Variants in N4BP2 observed in about 807,000 individuals in gnomAD.
N4BP2 encodes the protein NEDD4 binding protein 2.
In N4BP2, 91 loss-of-function variants were observed where a neutral mutation model predicts 152.8. The ratio of observed to expected loss-of-function variants is 0.60; its 90% CI spans 0.50 to 0.71. The LOEUF is 0.71. Ranked by LOEUF, N4BP2 falls within the 30% of genes least tolerant of loss-of-function variation. The pLI, the probability that N4BP2 is intolerant of heterozygous loss-of-function variation, is 0.00. For missense variants in N4BP2, 1,923 were observed against 2,059.1 expected (o/e 0.93, Z 1.28); for synonymous variants, 646 against 705.3 (o/e 0.92, Z 1.33).
chr4:40,119,177 A>C (rs539915066), intron 8 of N4BP2, among the ~76,000 whole-genome samples: 2 of 152,218 alleles, frequency 1.3e-5, no homozygotes, highest in African/African-American at 2.4e-5. Context: ...AAAATCTTAT[A>C]AGGATTATGA....
At chr4:40,176,465 T>C in the N4BP2 span, among the ~76,000 whole-genome samples, 1 of 152,220 alleles carries the variant, frequency 6.6e-6, no homozygotes, top group Admixed American at 6.5e-5. Context: ...ATTAGATCAT[T>C]GTTCATCATA....
intron 3 of N4BP2, among the ~76,000 whole-genome samples, chr4:40,098,156 C>G (rs2109953889): frequency 6.6e-6 from 1 of 152,270 alleles, no homozygotes; most frequent in Non-Finnish European, 1.5e-5. Context: ...AAGTAAATAT[C>G]TATTAAGCAA....
intron 5 of N4BP2, among the ~76,000 whole-genome samples, chr4:40,111,596 G>A (rs1716890867): frequency 6.6e-6 from 1 of 152,034 alleles, no homozygotes; most frequent in Non-Finnish European, 1.5e-5. Flanking sequence ...TGGGATTACA[G>A]GCATGAGCCA....
At chr4:40,184,870 C>A in the N4BP2 span, among the ~76,000 whole-genome samples, 3 of 152,062 alleles carry the variant, frequency 2.0e-5, no homozygotes, top group South Asian at 4.1e-4. Flanking sequence ...GCGTAAGAAT[C>A]GCTTGAACCT....
chr4:40,140,549 G>A (rs1395971880), intron 14 of N4BP2, among the ~76,000 whole-genome samples: 2 of 151,882 alleles, frequency 1.3e-5, no homozygotes, highest in Non-Finnish European at 2.9e-5. Flanking sequence ...TAAACTTTAA[G>A]TTATTCTGGA....
chr4:40,085,070 G>A (rs981649505), intron 2 of N4BP2, among the ~76,000 whole-genome samples: 2 of 151,794 alleles, frequency 1.3e-5, no homozygotes, highest in Admixed American at 6.6e-5. Flanking sequence ...CCACTACCAC[G>A]CCCAGCTAAT....
chr4:40,109,145 G>C (rs1716621816), intron 5 of N4BP2, among the ~76,000 whole-genome samples: 1 of 152,018 alleles, frequency 6.6e-6, no homozygotes, highest in African/African-American at 2.4e-5. Flanking sequence ...GTACTGTAAA[G>C]GTGATTCTTG....
chr4:40,084,749 C>T (rs918850659), intron 2 of N4BP2, among the ~76,000 whole-genome samples: 4 of 151,020 alleles, frequency 2.6e-5, no homozygotes, highest in African/African-American at 9.7e-5. Flanking sequence ...CCTGCCTCAG[C>T]CTCCTGAGTA....
intron 5 of N4BP2, among the ~76,000 whole-genome samples, chr4:40,108,321 T>C (rs1226021048): frequency 7.7e-6 from 1 of 129,836 alleles, no homozygotes; most frequent in East Asian, 2.1e-4. Context: ...TGGTTTACTC[T>C]TTTTTTTTTG....
At chr4:40,146,091 A>G (rs1720490058) in intron 16 of N4BP2, among the ~76,000 whole-genome samples, 2 of 152,110 alleles carry the variant, frequency 1.3e-5, no homozygotes. Flanking sequence ...TGAACCCTGG[A>G]GGCGGAGGTT....
In N4BP2 at chr4:40,122,170, T is replaced by C. The variant is rs61748749; in HGVS notation, c.4059T>C (p.Ser1353=). 1.2e-6 allele frequency: 2 copies of C among 1,613,550 alleles called. No homozygotes were observed. The highest frequency in any genetic ancestry group is 1.1e-5 in the South Asian group (1 of 91,018). The change falls in exon 9 of 18, where the codon AGT becomes AGC. Residue 1353 remains serine, a synonymous_variant. Transcript: ENST00000261435. ...MAGSSLSAGV[S]GEDKTEILNP... ...GAAGTAGTTTATCAGCTGGAGTTAG[T>C]GGGGAAGATAAAACCGAGATATTGA...
chr4:40,147,705 C>G (rs1414740798), intron 16 of N4BP2, among the ~76,000 whole-genome samples: 1 of 150,862 alleles, frequency 6.6e-6, no homozygotes, highest in African/African-American at 2.4e-5. Flanking sequence ...CCCTCCCAGA[C>G]GGGGCGGCTG....
intron 14 of N4BP2, among the ~76,000 whole-genome samples, chr4:40,141,430 G>C (rs1228348668): frequency 6.8e-6 from 1 of 148,130 alleles, no homozygotes; most frequent in Non-Finnish European, 1.5e-5. Context: ...GGGTAGAGGC[G>C]CTCCTCACAT....
At chr4:40,101,962 T>G (rs1340176189) in intron 3 of N4BP2, 113 bp from the exon 4 acceptor site, 6 of 626,782 alleles carry the variant, frequency 9.6e-6, no homozygotes, top group Non-Finnish European at 1.5e-5. Context: ...TGTACATTTA[T>G]ATTCTGTTCA....
At chr4:40,185,060 G>A in the N4BP2 span, among the ~76,000 whole-genome samples, 535 of 152,258 alleles carry the variant, frequency 3.5e-3, 9 homozygotes, top group East Asian at 0.035. Flanking sequence ...ATAAATCCAT[G>A]TCCCTTTAAA....
At chr4:40,142,573 A>G (rs1720121512) in intron 14 of N4BP2, 100 bp from the exon 15 acceptor site, 2 of 735,554 alleles carry the variant, frequency 2.7e-6, no homozygotes, top group Non-Finnish European at 4.5e-6. Context: ...AGATGAAAAT[A>G]TACGACAGCC....
intron 12 of N4BP2, among the ~76,000 whole-genome samples, chr4:40,127,689 C>T: frequency 6.6e-6 from 1 of 151,744 alleles, no homozygotes; most frequent in East Asian, 1.9e-4. Flanking sequence ...GAGATGGAGT[C>T]TCGCTCTGTC....
intron 2 of N4BP2, among the ~76,000 whole-genome samples, chr4:40,080,210 G>A (rs1261872761): frequency 6.6e-6 from 1 of 151,814 alleles, no homozygotes; most frequent in Non-Finnish European, 1.5e-5. Flanking sequence ...AAGATTAGAT[G>A]ATAAAATAGT....
chr4:40,077,682 G>T (rs1348435409), intron 2 of N4BP2, among the ~76,000 whole-genome samples: 1 of 151,722 alleles, frequency 6.6e-6, no homozygotes, highest in Non-Finnish European at 1.5e-5. Context: ...TTGAACTTCT[G>T]ACCTCAAGTG....
Sources: allele counts gnomAD v4.1 joint callset (sites outside exome capture counted in the v4.1 genomes callset), GRCh38; gene constraint gnomAD v4.1.1; transcripts MANE v1.5; gene names NCBI Gene and HGNC (gene_info 2026-07-23, HGNC 2026-07-21).